The following IGSF22 variants were observed in gnomAD, a reference collection of about 807,000 sequenced individuals.
IGSF22 encodes immunoglobulin superfamily member 22.
Under a neutral mutation model 127.0 loss-of-function variants are expected in IGSF22, and 119 were observed. That is an observed-to-expected ratio of 0.94 (90% confidence interval 0.81 to 1.09). The LOEUF is 1.09. Ranked by LOEUF, IGSF22 falls within the 50% of genes least tolerant of loss-of-function variation. The probability of loss-of-function intolerance (pLI) is 0.00; values close to 1 mark genes in which losing one functional copy is unlikely to be tolerated. For missense variants in IGSF22, 1,518 were observed against 1,716.6 expected, an observed-to-expected ratio of 0.88 and a Z score of 2.04; for synonymous variants, 568 against 664.7, an observed-to-expected ratio of 0.85 and a Z score of 2.24.
rs1196786204 is a variant in IGSF22, at chr11:18,705,883, C to T, written c.3844G>A (p.Asp1282Asn). 1.3e-6 allele frequency: 2 copies of T among 1,551,602 alleles called. No individual in the cohort carries two copies. The highest frequency in any genetic ancestry group is 4.9e-5 in the East Asian group (2 of 40,924). ...TCGTTCTCCACCAGCACGCTGTAAT[C>T]GCCGCTGTCCTTGAGCGTGCAGGTG... ...IPTCTLKDSG[D>N]YSVLVENELG... is the part of the protein sequence containing the mutation. The change falls in exon 22 of 23, where the codon GAT (aspartate) becomes AAT (asparagine). Residue 1282 changes from aspartate to asparagine, a missense_variant. By Grantham distance (23) the Asp-to-Asn change is conservative. This residue lies in a region of IGSF22 where 4 missense variants were observed against 18.8 expected (regional missense o/e 0.21). Coordinates refer to ENST00000513874, the MANE Select transcript of IGSF22 (RefSeq NM_173588.4).
chr11:18,724,947 C>T (rs1361789214), intron 1 of IGSF22, among the ~76,000 whole-genome samples: 1 of 152,050 alleles, frequency 6.6e-6, no homozygotes, highest in Non-Finnish European at 1.5e-5. Context: ...AGTCTCTAGG[C>T]TCCTTCTAGA....
intron 7 of IGSF22, among the ~76,000 whole-genome samples, chr11:18,719,311 T>TC (rs1391406661): frequency 4.3e-5 from 1 of 23,412 alleles, no homozygotes; most frequent in Non-Finnish European, 1.2e-4. Flanking sequence ...CACCCAGCGG[T>TC]TTTTTTTTGT....
Position 18,721,920 on chromosome 11 carries a change from G to A in IGSF22, c.231C>T (p.Thr77=). 1 of 1,613,218 alleles carries A rather than the reference G, an allele frequency of 6.2e-7. No individual in the cohort carries two copies. The highest frequency in any genetic ancestry group is 8.5e-7 in the Non-Finnish European group (1 of 1,180,036). ...CAGGCAGCAACACACCCTCGGGCGC[G>A]GTGACCGGTTGAGGCTTCTCCACGA... is the stretch of plus-strand genomic sequence containing the variant. ...PEFVEKPQPV[T]APEGDKAVFR... is the part of the protein sequence containing the mutation. Residue 77 remains threonine (T), a synonymous_variant, in exon 3 of 23, where the codon ACC becomes ACT. Coordinates refer to ENST00000513874, the MANE Select transcript of IGSF22 (RefSeq NM_173588.4).
At chr11:18,722,871 A>G (rs12417433) in intron 2 of IGSF22, among the ~76,000 whole-genome samples, 22,683 of 152,256 alleles carry the variant, frequency 0.15, 2,071 homozygotes, top group Admixed American at 0.24. Flanking sequence ...TTAAATACTA[A>G]CAAGAGGTCT....
chr11:18,718,486 C>T (rs1848503300), intron 8 of IGSF22, 129 bp downstream of exon 8: 1 of 722,626 alleles, frequency 1.4e-6, no homozygotes, highest in Middle Eastern at 3.5e-4. Flanking sequence ...CAATTCCAGC[C>T]TCTTTCAACC....
chr11:18,717,415 A>G (rs961443050), intron 9 of IGSF22, among the ~76,000 whole-genome samples: 2 of 112,054 alleles, frequency 1.8e-5, no homozygotes, highest in Non-Finnish European at 3.7e-5. Context: ...TTAGCTCCAG[A>G]GTCTGCGTTC....
rs770995066 is a variant in IGSF22, at chr11:18,710,386, T to C, written c.2642A>G (p.Lys881Arg). The C allele has an allele frequency of 3.7e-6, 6 of 1,614,250 alleles. No homozygotes were observed. The South Asian group carries it at 4.4e-5, about 12-fold the overall frequency. The change falls in exon 17 of 23, where the codon AAG (lysine) becomes AGG (arginine). Residue 881 changes from lysine to arginine, a missense_variant. Physicochemically the swap from Lys to Arg is conservative, Grantham distance 26. Around this residue, in one of 3 missense-constraint regions of IGSF22, gnomAD observed 1,456 missense variants for 1,644.9 expected, o/e 0.89. Coordinates refer to ENST00000513874, the MANE Select transcript of IGSF22 (RefSeq NM_173588.4). ...CACACTGGGCTGTCCAGGGCCTGCC[T>C]TATTTACAGCTATAACTCGGAATTC... ...EYEFRVIAVN[K>R]AGPGQPSVPS...
Position 18,706,101 on chromosome 11 carries a change from C to T in IGSF22, c.3626G>A (p.Trp1209Ter), listed in dbSNP as rs1317645272. ...AKLKPYEKKDWRHAPRFVTPL... is the reference protein window; with the variant it reads ...AKLKPYEKKD ...CGTCACGAAGCGCGGCGCGTGGCGC[C>T]AGTCCTTCTTCTCGTAGGGCTTGAG... Residue 1209 changes from tryptophan to a stop codon, truncating the protein, a stop_gained, in exon 22 of 23, where the codon TGG becomes TAG. Transcript: ENST00000513874. LOFTEE classifies it high-confidence loss of function. The T allele has an allele frequency of 6.5e-7, 1 of 1,547,266 alleles. No homozygotes were observed. The highest frequency in any genetic ancestry group is 1.2e-5 in the South Asian group (1 of 84,032).
intron 16 of IGSF22, 80 bp from the exon 17 acceptor site, chr11:18,710,535 G>T: frequency 2.5e-6 from 4 of 1,592,088 alleles, no homozygotes; most frequent in Non-Finnish European, 3.4e-6. Flanking sequence ...AGAAGAGGAG[G>T]TCATGGGATG....
At chr11:18,719,322 TTTTTTTTG>T (rs1848523528) in intron 7 of IGSF22, among the ~76,000 whole-genome samples, 2 of 133,562 alleles carry the variant, frequency 1.5e-5, no homozygotes, top group Admixed American at 1.4e-4. Context: ...TTTTTTTTGT[TTTTTTTTG>T]TTTTTTTTGT....
chr11:18,725,902 T>C (rs1848643926), intron 1 of IGSF22, among the ~76,000 whole-genome samples, 172 bp downstream of exon 1: 1 of 152,204 alleles, frequency 6.6e-6, no homozygotes, highest in African/African-American at 2.4e-5. Flanking sequence ...AGTTAGGGGT[T>C]AAACTCTATT....
chr11:18,705,779 C>T (rs890863825), intron 22 of IGSF22, 38 bp downstream of exon 22: 1 of 1,499,578 alleles, frequency 6.7e-7, no homozygotes, highest in Non-Finnish European at 8.9e-7. Context: ...TTTTGCGCCT[C>T]TCCCCCTCCT....
intron 1 of IGSF22, among the ~76,000 whole-genome samples, 152 bp downstream of exon 1, chr11:18,725,922 C>T (rs956400927): frequency 3.3e-4 from 50 of 152,192 alleles, no homozygotes; most frequent in African/African-American, 1.1e-3. Flanking sequence ...TCCCTCTCTC[C>T]ACCCCCTAAT....
intron 14 of IGSF22, 104 bp from the exon 15 acceptor site, chr11:18,712,488 T>C: frequency 9.4e-7 from 1 of 1,059,132 alleles, no homozygotes; most frequent in African/African-American, 1.6e-5. Flanking sequence ...TAGCTGGATT[T>C]TGAGCTTTTT....
Position 18,706,029 on chromosome 11 carries a change from G to C in IGSF22, c.3698C>G (p.Thr1233Ser). 6.4e-7 allele frequency: 1 copy of C among 1,551,636 alleles called. No homozygotes were observed. Among genetic ancestry groups the C allele is most frequent in the African/African-American group, 1.4e-5 (1 of 73,182 alleles). Reference protein sequence around the residue: ...TVLRGQDCTMTCAFLGNPRPT... With the variant: ...TVLRGQDCTMSCAFLGNPRPT... ...CCGCGGGTTCCCAAGGAAGGCGCAGGTCATGGTGCAGTCCTGGCCGCGGAG... is the reference window on the plus strand; with the variant it reads ...CCGCGGGTTCCCAAGGAAGGCGCAGCTCATGGTGCAGTCCTGGCCGCGGAG... The change falls in exon 22 of 23, where the codon ACC becomes AGC. Residue 1233 changes from threonine (T) to serine (S), a missense_variant. Physicochemically the swap from Thr to Ser is moderately conservative, Grantham distance 58. Coordinates refer to ENST00000513874, the MANE Select transcript of IGSF22 (RefSeq NM_173588.4).
rs1441337419 is a variant in IGSF22 at position 18,709,787 on chromosome 11, C to G, written c.2702-104G>C. ...TCCTGAACCCCATCCTTCACTACTT[C>G]TAGCTCCAGATCCCTCAGTTAACAC... is the stretch of plus-strand genomic sequence containing the variant. On this transcript the variant is annotated intron_variant, in intron 17 of 22. Coordinates refer to ENST00000513874, the MANE Select transcript of IGSF22 (RefSeq NM_173588.4). This position sits in a 1 kb window ranked among gnomAD's most constrained non-coding sequence, Gnocchi z 4.8. 39 of 1,186,028 alleles carry G rather than the reference C, an allele frequency of 3.3e-5. No individual in the cohort carries two copies. The highest frequency in any genetic ancestry group is 4.4e-5 in the Non-Finnish European group (37 of 846,790). The allele number at this position is 1,186,028 out of a possible 1,614,324, so 73.5% of individuals were successfully genotyped here. A position where few individuals can be genotyped will look rare whatever the true frequency, so the allele number is the denominator to read the frequency against.
In IGSF22 at chr11:18,707,950, G is replaced by A. The variant is rs2134157734; in HGVS notation, c.3134C>T (p.Thr1045Ile). 1.2e-6 allele frequency: 2 copies of A among 1,614,194 alleles called. No homozygotes were observed. Among genetic ancestry groups the A allele is most frequent in the East Asian group, 2.2e-5 (1 of 44,888 alleles). Residue 1045 changes from threonine (T) to isoleucine (I), a missense_variant, in exon 20 of 23, where the codon ACC becomes ATC. By Grantham distance (89) the Thr-to-Ile change is moderately conservative. Around this residue, in one of 3 missense-constraint regions of IGSF22, gnomAD observed 1,456 missense variants for 1,644.9 expected, o/e 0.89. Transcript: ENST00000513874. ...DVIWQKDGVP[T>I]KGRETITKSK... is the part of the protein sequence containing the mutation. ...CTTGGTAATTGTCTCTCGGCCCTTG[G>A]TGGGAACGCCATCTTTCTGCCAGAT...
chr11:18,704,890 CTT>C (rs1481772490), intron 22 of IGSF22: 1 of 270,526 alleles, frequency 3.7e-6, no homozygotes, highest in Non-Finnish European at 7.3e-6. Flanking sequence ...TCAGGGATCT[CTT>C]TAGCTGTGGA....
At chr11:18,719,987 C>A in intron 6 of IGSF22, 77 bp downstream of exon 6, 3 of 1,610,674 alleles carry the variant, frequency 1.9e-6, no homozygotes, top group East Asian at 2.2e-5. Flanking sequence ...AACTCAGGGC[C>A]TTGTTGAGAG....
Sources: allele counts gnomAD v4.1 joint callset (sites outside exome capture counted in the v4.1 genomes callset), GRCh38; gene constraint gnomAD v4.1.1; regional missense constraint gnomAD v4.1.1; non-coding constraint Gnocchi (gnomAD v3.1); transcripts MANE v1.5; gene names NCBI Gene and HGNC (gene_info 2026-07-23, HGNC 2026-07-21).